Variants in DPP6 observed in about 807,000 individuals in gnomAD.
DPP6 encodes dipeptidyl peptidase like 6, also known as A-type potassium channel modulatory protein DPP6.
Under a neutral mutation model 122.6 loss-of-function variants are expected in DPP6, and 69 were observed. That is an observed-to-expected ratio of 0.56 (90% CI 0.46 to 0.69). The LOEUF (loss-of-function observed/expected upper bound fraction) is 0.69, where lower values mean the gene tolerates loss of function less well. DPP6 is among the 30% of genes least tolerant of loss of function. DPP6 has a pLI of 0.00. For synonymous variants in DPP6, 418 were observed against 433.1 expected, an observed-to-expected ratio of 0.97 and a Z score of 0.43; for missense variants, 928 against 1,116.9, an observed-to-expected ratio of 0.83 and a Z score of 2.41.
chr7:153,919,341 G>T (rs74550250), intron 1 of DPP6, among the ~76,000 whole-genome samples: 1 of 152,118 alleles, frequency 6.6e-6, no homozygotes, highest in Non-Finnish European at 1.5e-5. Flanking sequence ...TGCATTCATC[G>T]TCCGAATGCC....
chr7:154,027,603 A>C (rs564422706), intron 1 of DPP6, among the ~76,000 whole-genome samples: 2 of 152,192 alleles, frequency 1.3e-5, no homozygotes, highest in South Asian at 4.2e-4. Flanking sequence ...AAAATTTCAA[A>C]GTATGAATTT....
At chr7:154,331,484 T>C (rs1436960160) in intron 1 of DPP6, among the ~76,000 whole-genome samples, 2 of 152,124 alleles carry the variant, frequency 1.3e-5, no homozygotes, top group Non-Finnish European at 2.9e-5. Flanking sequence ...AGGCTTTTGA[T>C]TTTGTGGCCC....
At chr7:154,376,800 G>A (rs530431667) in intron 1 of DPP6, among the ~76,000 whole-genome samples, 1 of 152,306 alleles carries the variant, frequency 6.6e-6, no homozygotes, top group South Asian at 2.1e-4. Flanking sequence ...ACAATAGGCT[G>A]TAATCCTCTG....
chr7:154,368,832 C>T (rs1415638383), intron 1 of DPP6, among the ~76,000 whole-genome samples: 1 of 152,166 alleles, frequency 6.6e-6, no homozygotes, highest in Non-Finnish European at 1.5e-5. Flanking sequence ...ATCAGATTTG[C>T]TTCAGCTTCA....
Position 154,239,756 on chromosome 7 carries a change from T to TG in DPP6, c.243+186694dup, listed in dbSNP as rs1233948289. ...GGGAGGCCAAGGCAGGTGGATCACT[T>TG]GAAGTCAGGAGTTTGAGACCAGCCT... is the stretch of plus-strand genomic sequence containing the variant. On this transcript the variant is annotated intron_variant, in intron 1 of 25. Transcript: ENST00000377770. Among the ~76,000 whole-genome samples, 4 of 149,988 alleles carry TG rather than the reference T, an allele frequency of 2.7e-5. No individual in the cohort carries two copies. The East Asian group carries it at 5.9e-4, about 22-fold the overall frequency.
At position 154,760,231 on chromosome 7, in the gene DPP6, G is replaced by C. The variant is rs1795447276; in HGVS notation, c.884-9186G>C. 6.6e-6 allele frequency among the ~76,000 whole-genome samples: 1 copy of C among 152,224 alleles called. No individual in the cohort carries two copies. Among genetic ancestry groups the C allele is most frequent in the South Asian group, 2.1e-4 (1 of 4,834 alleles). ...ATTTTTAAAGGAAAAGGATTCAGCA[G>C]GCGGATTCTGGGATTAGCAGGTGAT... On this transcript the variant is annotated intron_variant, in intron 8 of 25. Coordinates refer to ENST00000377770, the MANE Select transcript of DPP6 (RefSeq NM_130797.4). This position sits in a 1 kb window ranked among gnomAD's most constrained non-coding sequence, Gnocchi z 4.5.
chr7:154,448,172 T>C (rs1820048994), intron 2 of DPP6, among the ~76,000 whole-genome samples: 1 of 152,160 alleles, frequency 6.6e-6, no homozygotes, highest in African/African-American at 2.4e-5. Flanking sequence ...ATGTTGTATA[T>C]AGAAAATCTT....
rs550706071 is a variant in DPP6 at position 154,830,770 on chromosome 7, A to G, written c.1667-23010A>G. 1.1e-3 allele frequency among the ~76,000 whole-genome samples: 164 copies of G among 152,270 alleles called. 1 individual carries two copies. Among genetic ancestry groups the G allele is most frequent in the African/African-American group, 3.8e-3 (157 of 41,542 alleles). Reference sequence around the variant, plus strand: ...ACGTCCACATTTGAAAGCCACCTCCAAGCACACACCGTGCACGCCCTGTGG... The same window carrying G: ...ACGTCCACATTTGAAAGCCACCTCCGAGCACACACCGTGCACGCCCTGTGG... On this transcript the variant is annotated intron_variant, in intron 16 of 25. Coordinates refer to ENST00000377770, the MANE Select transcript of DPP6 (RefSeq NM_130797.4).
At chr7:153,814,725 A>C in the DPP6 span, among the ~76,000 whole-genome samples, 3 of 152,008 alleles carry the variant, frequency 2.0e-5, no homozygotes, top group African/African-American at 7.2e-5. Context: ...TACTGGCAAA[A>C]CGAATCCAGC....
chr7:154,538,903 T>C (rs564002884), intron 3 of DPP6, among the ~76,000 whole-genome samples: 1 of 152,340 alleles, frequency 6.6e-6, no homozygotes, highest in South Asian at 2.1e-4. Flanking sequence ...GAAAACAATT[T>C]CACCTAAACA....
chr7:154,860,850 C>T (rs1353863181), intron 17 of DPP6, among the ~76,000 whole-genome samples: 6 of 152,216 alleles, frequency 3.9e-5, no homozygotes, highest in African/African-American at 1.4e-4. Flanking sequence ...CCATCACAGC[C>T]GTGGAGCCAC....
intron 1 of DPP6, among the ~76,000 whole-genome samples, chr7:154,155,932 C>T (rs1396854361): frequency 2.6e-5 from 4 of 152,190 alleles, no homozygotes; most frequent in Non-Finnish European, 5.9e-5. Context: ...CTTAGAAAAC[C>T]AAGGATGGTG....
At chr7:154,169,128 CAAT>C (rs1797406575) in intron 1 of DPP6, among the ~76,000 whole-genome samples, 2 of 152,100 alleles carry the variant, frequency 1.3e-5, no homozygotes, top group South Asian at 4.1e-4. Context: ...TGAGAGGAGA[CAAT>C]CAGTTGCTAT....
chr7:154,760,872 T>G lies in DPP6; in HGVS notation c.884-8545T>G, dbSNP rs1391243089. ...TTTTTTTTGAGACAGTCTTGCTGTG[T>G]CGCCCAGGCTTGAGTGCAATGGTGC... On this transcript the variant is annotated intron_variant, in intron 8 of 25. Coordinates refer to ENST00000377770, the MANE Select transcript of DPP6 (RefSeq NM_130797.4). The surrounding 1 kb of genome is among the most constrained non-coding windows in gnomAD (Gnocchi z 4.5). 6.6e-6 allele frequency among the ~76,000 whole-genome samples: 1 copy of G among 151,370 alleles called. No homozygotes were observed. The highest frequency in any genetic ancestry group is 1.5e-5 in the Non-Finnish European group (1 of 67,878).
upstream of DPP6, among the ~76,000 whole-genome samples, chr7:153,882,972 G>A (rs894840310): frequency 2.6e-4 from 40 of 152,176 alleles, no homozygotes; most frequent in African/African-American, 9.4e-4. Context: ...GGTGAGAATC[G>A]TAAGATAAAC....
Position 154,825,393 on chromosome 7 carries a change from T to C in DPP6, c.1666+18281T>C, listed in dbSNP as rs148580382. Among the ~76,000 whole-genome samples, 904 of 152,326 alleles carry C rather than the reference T, an allele frequency of 5.9e-3. 14 individuals are homozygous for C. Among genetic ancestry groups the C allele is most frequent in the African/African-American group, 0.021 (860 of 41,568 alleles). ...ACAGAGTTGAGTAAGACAGCGTTCA[T>C]AGTAATACATTTCTCCCACTTCAGC... On this transcript the variant is annotated intron_variant, in intron 16 of 25. Transcript: ENST00000377770.
intron 1 of DPP6, among the ~76,000 whole-genome samples, chr7:154,220,522 A>G (rs540803550): frequency 1.3e-5 from 2 of 152,278 alleles, no homozygotes; most frequent in Admixed American, 6.5e-5. Context: ...TCCCTGTGAC[A>G]TGGATGTACC....
intron 1 of DPP6, among the ~76,000 whole-genome samples, chr7:154,137,124 G>A (rs557358393): frequency 3.3e-5 from 5 of 152,200 alleles, no homozygotes; most frequent in East Asian, 3.9e-4. Flanking sequence ...TTTTATTAGG[G>A]TAGATAAATG....
intron 1 of DPP6, among the ~76,000 whole-genome samples, chr7:154,104,177 C>G (rs1455909246): frequency 1.3e-5 from 2 of 152,242 alleles, no homozygotes; most frequent in African/African-American, 4.8e-5. Context: ...CCTTGCCTTT[C>G]TGGAATCGCA....
Sources: allele counts gnomAD v4.1 joint callset (sites outside exome capture counted in the v4.1 genomes callset), GRCh38; gene constraint gnomAD v4.1.1; non-coding constraint Gnocchi (gnomAD v3.1); transcripts MANE v1.5; gene names NCBI Gene and HGNC (gene_info 2026-07-23, HGNC 2026-07-21).